COL4A1: variants seen among roughly 807,000 people sequenced by gnomAD.
COL4A1 encodes the protein collagen type IV alpha 1 chain, also known as collagen alpha-1(IV) chain.
Under a neutral mutation model 216.6 loss-of-function variants are expected in COL4A1, and 40 were observed. The observed-to-expected ratio is 0.18, with a 90% CI of 0.14 to 0.24. COL4A1 has a LOEUF of 0.24. Among genes scored for constraint, COL4A1 ranks in the 10% least tolerant of loss-of-function variants. The probability of loss-of-function intolerance (pLI) is 1.00; values close to 1 mark genes in which losing one functional copy is unlikely to be tolerated. For missense variants in COL4A1, 1,628 were observed against 2,196.8 expected, an observed-to-expected ratio of 0.74 and a Z score of 5.18; for synonymous variants, 839 against 810.7, an observed-to-expected ratio of 1.03 and a Z score of -0.59.
At position 110,286,335 on chromosome 13, in the gene COL4A1, G is replaced by A. The variant is rs542261375; in HGVS notation, c.84+20609C>T. Among the ~76,000 whole-genome samples, 6 of 152,324 alleles carry A rather than the reference G, an allele frequency of 3.9e-5. No homozygotes were observed. In the East Asian group the frequency reaches 1.2e-3, roughly 29 times the overall value. On this transcript the variant is annotated intron_variant, in intron 1 of 51. Coordinates refer to ENST00000375820, the MANE Select transcript of COL4A1 (RefSeq NM_001845.6). ...GGTGCTGAACACTCGAAGCTCCTGA[G>A]GGTGGCTGCAGGCAGAGTAGGAGGG... is the stretch of plus-strand genomic sequence containing the variant.
intron 1 of COL4A1, among the ~76,000 whole-genome samples, chr13:110,245,731 T>C (rs915995194): frequency 1.3e-5 from 2 of 152,198 alleles, no homozygotes; most frequent in Non-Finnish European, 2.9e-5. Context: ...GGACTGCAGA[T>C]AAGAGGCTGC....
At chr13:110,218,008 A>G (rs1369473191) in intron 2 of COL4A1, among the ~76,000 whole-genome samples, 2 of 152,250 alleles carry the variant, frequency 1.3e-5, no homozygotes, top group East Asian at 1.9e-4. Context: ...AAACAAGTTC[A>G]TGATTCAGGA....
intron 46 of COL4A1, 93 bp downstream of exon 46, chr13:110,164,769 A>G: frequency 1.3e-6 from 2 of 1,536,796 alleles, no homozygotes; most frequent in Non-Finnish European, 1.8e-6. Flanking sequence ...ATCATTACCC[A>G]GAAACTTATT....
intron 1 of COL4A1, among the ~76,000 whole-genome samples, chr13:110,305,164 A>G (rs1742883921): frequency 6.6e-6 from 1 of 152,216 alleles, no homozygotes; most frequent in South Asian, 2.1e-4. Context: ...GAGTAATGAT[A>G]ATATCTGTGA....
At chr13:110,282,161 T>C (rs975801763) in intron 1 of COL4A1, among the ~76,000 whole-genome samples, 1 of 152,200 alleles carries the variant, frequency 6.6e-6, no homozygotes, top group Admixed American at 6.5e-5. Context: ...CTACCAATGC[T>C]GGAGAGGTGG....
chr13:110,225,685 A>T lies in COL4A1; in HGVS notation c.145-11670T>A, dbSNP rs1376022821. ...ATCTACAAGAGGGTGCAGATTTAGG[A>T]ATCTTAATTTCAAATGACTGCAAAA... On this transcript the variant is annotated intron_variant, in intron 2 of 51. Coordinates refer to ENST00000375820, the MANE Select transcript of COL4A1 (RefSeq NM_001845.6). Among the ~76,000 whole-genome samples, 2 of 152,222 alleles carry T rather than the reference A, an allele frequency of 1.3e-5. 1 individual carries two copies. Among genetic ancestry groups the T allele is most frequent in the Admixed American group, 1.3e-4 (2 of 15,274 alleles).
intron 21 of COL4A1, among the ~76,000 whole-genome samples, chr13:110,198,167 C>T (rs1008229247): frequency 6.6e-6 from 1 of 150,464 alleles, no homozygotes; most frequent in African/African-American, 2.4e-5. Context: ...ATTCTGTTTT[C>T]AATAAAAATT....
chr13:110,173,820 T>C (rs1877751850), intron 40 of COL4A1, 80 bp downstream of exon 40: 2 of 1,533,444 alleles, frequency 1.3e-6, no homozygotes, highest in African/African-American at 2.7e-5. Flanking sequence ...CCCAGCTTTA[T>C]TCACTGAACA....
chr13:110,265,065 C>G (rs1044925084), intron 1 of COL4A1, among the ~76,000 whole-genome samples: 2 of 152,244 alleles, frequency 1.3e-5, no homozygotes, highest in African/African-American at 2.4e-5. Flanking sequence ...CCACCATCAT[C>G]GATCGGCCTT....
chr13:110,173,844 G>A (rs953612665), intron 40 of COL4A1, 56 bp downstream of exon 40: 3 of 1,602,386 alleles, frequency 1.9e-6, no homozygotes, highest in East Asian at 2.2e-5. Context: ...GCAGTCTGCA[G>A]GTCTCTGGGA....
chr13:110,226,386 G>T (rs1880737968), intron 2 of COL4A1, among the ~76,000 whole-genome samples: 1 of 152,180 alleles, frequency 6.6e-6, no homozygotes, highest in South Asian at 2.1e-4. Context: ...GGTTAGCCTG[G>T]AAGTAGCTAA....
intron 46 of COL4A1, among the ~76,000 whole-genome samples, chr13:110,164,081 C>T (rs994606799): frequency 4.6e-5 from 7 of 150,890 alleles, no homozygotes; most frequent in African/African-American, 1.2e-4. Flanking sequence ...CTCGACCTCC[C>T]GGGCTCAAGC....
At chr13:110,176,580 C>T (rs1455810758) in intron 35 of COL4A1, 46 bp downstream of exon 35, 1 of 1,595,862 alleles carries the variant, frequency 6.3e-7, no homozygotes, top group African/African-American at 1.3e-5. Context: ...ACACAGGCCT[C>T]ATCCTGAGCC....
intron 1 of COL4A1, among the ~76,000 whole-genome samples, chr13:110,292,990 A>G (rs997466403): frequency 1.3e-5 from 2 of 152,206 alleles, no homozygotes; most frequent in Non-Finnish European, 2.9e-5. Flanking sequence ...GGGAAAATAA[A>G]TTGGCTGTTA....
chr13:110,260,332 G>A (rs1882765236), intron 1 of COL4A1, among the ~76,000 whole-genome samples: 1 of 152,162 alleles, frequency 6.6e-6, no homozygotes, highest in African/African-American at 2.4e-5. Flanking sequence ...ACAGTATGGG[G>A]TAGACTGCCC....
intron 1 of COL4A1, among the ~76,000 whole-genome samples, chr13:110,283,747 T>A (rs1883729986): frequency 6.6e-6 from 1 of 152,212 alleles, no homozygotes; most frequent in Non-Finnish European, 1.5e-5. Context: ...GGGCTCACCA[T>A]GCCCAGGTCC....
intron 2 of COL4A1, among the ~76,000 whole-genome samples, chr13:110,236,613 C>G (rs940630793): frequency 1.3e-5 from 2 of 152,120 alleles, no homozygotes; most frequent in Non-Finnish European, 2.9e-5. Flanking sequence ...GCCATGCCCA[C>G]GTCCTGGGTA....
Position 110,150,415 on chromosome 13 carries a change from C to T in COL4A1, c.4958G>A (p.Gly1653Glu). The T allele has an allele frequency of 6.2e-7, 1 of 1,614,100 alleles. No homozygotes were observed. The highest frequency in any genetic ancestry group is 8.5e-7 in the Non-Finnish European group (1 of 1,180,018). Reference protein sequence around the residue: ...KKPTPSTLKAGELRTHVSRCQ... With the variant: ...KKPTPSTLKAEELRTHVSRCQ... Reference sequence around the variant, plus strand: ...GCGGCTGACGTGCGTGCGCAGCTCCCCTGCCTTCAAGGTGGACGGCGTAGG... The same window carrying T: ...GCGGCTGACGTGCGTGCGCAGCTCCTCTGCCTTCAAGGTGGACGGCGTAGG... The change falls in exon 52 of 52, where the codon GGG (glycine) becomes GAG (glutamate). Residue 1653 changes from glycine to glutamate, a missense_variant. By Grantham distance (98) the Gly-to-Glu change is moderately conservative. Transcript: ENST00000375820.
intron 50 of COL4A1, among the ~76,000 whole-genome samples, chr13:110,152,903 C>A (rs1348729060): frequency 6.6e-6 from 1 of 152,212 alleles, no homozygotes; most frequent in Admixed American, 6.5e-5. Context: ...TCAGACTTTA[C>A]AAATGCATTC....
Sources: allele counts gnomAD v4.1 joint callset (sites outside exome capture counted in the v4.1 genomes callset), GRCh38; gene constraint gnomAD v4.1.1; transcripts MANE v1.5; gene names NCBI Gene and HGNC (gene_info 2026-07-23, HGNC 2026-07-21).